Variants in LARS1 observed in about 807,000 individuals in gnomAD.
LARS1 encodes leucine--tRNA ligase, cytoplasmic.
LARS1 carries 100 observed loss-of-function variants against 162.8 expected under a neutral mutation model. The ratio of observed to expected loss-of-function variants is 0.61; its 90% CI spans 0.52 to 0.73. The LOEUF (loss-of-function observed/expected upper bound fraction) is 0.73, where lower values mean the gene tolerates loss of function less well. Ranked by LOEUF, LARS1 falls within the 30% of genes least tolerant of loss-of-function variation. LARS1 has a pLI of 0.00. For synonymous variants in LARS1, 457 were observed against 462.8 expected, an observed-to-expected ratio of 0.99 and a Z score of 0.16; for missense variants, 1,258 against 1,408.9, an observed-to-expected ratio of 0.89 and a Z score of 1.71.
chr5:146,150,767 C>T (rs1263869154), intron 14 of LARS1, among the ~76,000 whole-genome samples: 3 of 151,312 alleles, frequency 2.0e-5, no homozygotes, highest in Non-Finnish European at 4.4e-5. Flanking sequence ...GTGAAATCCT[C>T]GTGTCTACTA....
At chr5:146,119,702 C>G (rs116111991) in intron 31 of LARS1, among the ~76,000 whole-genome samples, 1 of 152,014 alleles carries the variant, frequency 6.6e-6, no homozygotes, top group East Asian at 1.9e-4. Flanking sequence ...ACAAAAGATG[C>G]AGACTTATTC....
At chr5:146,162,314 T>C (rs1753813244) in intron 6 of LARS1, among the ~76,000 whole-genome samples, 1 of 152,242 alleles carries the variant, frequency 6.6e-6, no homozygotes, top group Non-Finnish European at 1.5e-5. Context: ...GACTGCAGAA[T>C]GAATGTTGTG....
chr5:146,130,023 C>G lies in LARS1; in HGVS notation c.2623G>C (p.Gly875Arg), dbSNP rs1465577532. The G allele has an allele frequency of 3.1e-6, 5 of 1,607,524 alleles. No individual in the cohort carries two copies. Among genetic ancestry groups the G allele is most frequent in the Non-Finnish European group, 4.2e-6 (5 of 1,178,302 alleles). Residue 875 changes from glycine to arginine, a missense_variant, in exon 25 of 32, where the codon GGA (glycine) becomes CGA (arginine). Gly to Arg is a moderately radical substitution (Grantham distance 125, BLOSUM62 -2). Transcript: ENST00000394434. ...TTTTAAATGCATGAAGGTACCTTTC[C>G]CAGGAGTGTCCAGATGTGCTCACAC... The part of the protein sequence containing the change: ...HLCEHIWTLL[G>R]KPDSIMNASW...
chr5:146,173,746 T>C (rs964327003), intron 2 of LARS1, among the ~76,000 whole-genome samples: 3 of 152,054 alleles, frequency 2.0e-5, no homozygotes, highest in Non-Finnish European at 4.4e-5. Flanking sequence ...CCACTGAAAC[T>C]ACCTGTTTCC....
intron 14 of LARS1, 40 bp from the exon 15 acceptor site, chr5:146,149,739 G>A (rs748218060): frequency 2.8e-6 from 4 of 1,408,572 alleles, no homozygotes; most frequent in Non-Finnish European, 4.0e-6. Context: ...ATATAAAACA[G>A]TTAGAATCTG....
rs1353734476 is a variant in LARS1 at position 146,130,782 on chromosome 5, T to C, written c.2487+237A>G. 13 of 353,810 alleles carry C rather than the reference T, an allele frequency of 3.7e-5. No homozygotes were observed. The Admixed American group carries it at 6.0e-4, about 16-fold the overall frequency. The allele number at this position is 353,810 out of a possible 1,614,324, so 21.9% of individuals were successfully genotyped here. A position where few individuals can be genotyped will look rare whatever the true frequency, so the allele number is the denominator to read the frequency against. On this transcript the variant is annotated intron_variant, in intron 24 of 31. Transcript: ENST00000394434. ...AATTTTAGATTTAATCTCCTTTATA[T>C]TAATGCTCATAGCTTAACTAGGAGC... is the stretch of plus-strand genomic sequence containing the variant.
At chr5:146,143,267 A>G (rs1184407992) in intron 19 of LARS1, 145 bp downstream of exon 19, 4 of 1,068,592 alleles carry the variant, frequency 3.7e-6, no homozygotes, top group Non-Finnish European at 5.4e-6. Flanking sequence ...CTATTTATTA[A>G]TTTTTCCCAG....
intron 1 of LARS1, 82 bp from the exon 2 acceptor site, chr5:146,177,747 GC>G: frequency 1.7e-6 from 1 of 579,800 alleles, no homozygotes; most frequent in Middle Eastern, 2.9e-4. Flanking sequence ...GAACTGAGCT[GC>G]TCACTGATAA....
intron 21 of LARS1, 134 bp downstream of exon 21, chr5:146,140,070 G>A: frequency 4.3e-6 from 3 of 703,768 alleles, no homozygotes; most frequent in South Asian, 3.2e-5. Flanking sequence ...GCCTCCCAAA[G>A]CTCTGGAATT....
At chr5:146,133,533 A>T (rs1254527847) in intron 22 of LARS1, among the ~76,000 whole-genome samples, 1 of 152,114 alleles carries the variant, frequency 6.6e-6, no homozygotes, top group African/African-American at 2.4e-5. Context: ...CAGTTTTGAA[A>T]CTAGGTTCTT....
At position 146,130,120 on chromosome 5, in the gene LARS1, C is replaced by T. The variant is rs780107741; in HGVS notation, c.2526G>A (p.Gly842=). The T allele has an allele frequency of 6.2e-7, 1 of 1,613,828 alleles. No homozygotes were observed. Among genetic ancestry groups the T allele is most frequent in the South Asian group, 1.1e-5 (1 of 91,072 alleles). The part of the protein sequence containing the change: ...KDKYRELAVE[G]MHRELVFRFI... ...ACCGGAACACAAGTTCTCTGTGCAT[C>T]CCTTCCACAGCCAATTCACGGTACT... is the stretch of plus-strand genomic sequence containing the variant. The change falls in exon 25 of 32, where the codon GGG becomes GGA. Residue 842 remains glycine, a synonymous_variant. Transcript: ENST00000394434.
At chr5:146,163,541 C>T (rs973342045) in intron 6 of LARS1, among the ~76,000 whole-genome samples, 1 of 152,036 alleles carries the variant, frequency 6.6e-6, no homozygotes, top group Non-Finnish European at 1.5e-5. Flanking sequence ...CAAAAATTAG[C>T]CAGGCGTGTT....
At chr5:146,135,530 A>G (rs1752464913) in intron 22 of LARS1, 71 bp downstream of exon 22, 1 of 1,136,920 alleles carries the variant, frequency 8.8e-7, no homozygotes, top group Admixed American at 2.6e-5. Context: ...TTAAAACACC[A>G]ATTTTAACGT....
Position 146,182,617 on chromosome 5 carries a change from C to T in LARS1, c.-124G>A. ...TCCCACGAAACTAAAGCACACGCTT[C>T]ACACCTGCTGAGGCAATCATCCGGC... On this transcript the variant is annotated 5_prime_UTR_variant, in exon 1 of 32. Coordinates refer to ENST00000394434, the MANE Select transcript of LARS1 (RefSeq NM_020117.11). 7.8e-7 allele frequency: 1 copy of T among 1,289,344 alleles called. No individual in the cohort carries two copies. Among genetic ancestry groups the T allele is most frequent in the African/African-American group, 1.5e-5 (1 of 68,582 alleles). 79.9% of individuals were successfully genotyped at this position (1,289,344 alleles called of 1,614,324 possible). A position where few individuals can be genotyped will look rare whatever the true frequency, so the allele number is the denominator to read the frequency against.
rs919289224 is a variant in LARS1 at position 146,143,103 on chromosome 5, A to G, written c.1878-19T>C. 8 of 1,345,872 alleles carry G rather than the reference A, an allele frequency of 5.9e-6. No individual in the cohort carries two copies. In the East Asian group the frequency reaches 1.2e-4, roughly 21 times the overall value. The allele number at this position is 1,345,872 out of a possible 1,614,324, so 83.4% of individuals were successfully genotyped here. On this transcript the variant is annotated intron_variant, in intron 19 of 31. Coordinates refer to ENST00000394434, the MANE Select transcript of LARS1 (RefSeq NM_020117.11). ...TTGCGGTCTGTATTAAAAATAAAAC[A>G]AACTATTTTATATATATATATATGT...
intron 6 of LARS1, among the ~76,000 whole-genome samples, chr5:146,162,059 TC>T (rs1753803375): frequency 6.6e-6 from 1 of 152,226 alleles, no homozygotes; most frequent in African/African-American, 2.4e-5. Context: ...CTTGAACCTT[TC>T]AACGTCATCC....
chr5:146,165,591 G>A (rs532557092), intron 5 of LARS1, among the ~76,000 whole-genome samples: 7 of 151,886 alleles, frequency 4.6e-5, no homozygotes, highest in East Asian at 1.9e-4. Context: ...ATTCAACCAC[G>A]ATGCTGAAGG....
At chr5:146,154,384 G>A (rs1360350891) in intron 10 of LARS1, among the ~76,000 whole-genome samples, 2 of 152,162 alleles carry the variant, frequency 1.3e-5, no homozygotes, top group Admixed American at 6.5e-5. Context: ...TGGTAAGTAC[G>A]TAAGGTATAA....
At chr5:146,124,618 G>A (rs1751969448) in intron 28 of LARS1, among the ~76,000 whole-genome samples, 1 of 151,846 alleles carries the variant, frequency 6.6e-6, no homozygotes, top group African/African-American at 2.4e-5. Flanking sequence ...AACATGGCAT[G>A]TAAAAAATAA....
Sources: allele counts gnomAD v4.1 joint callset (sites outside exome capture counted in the v4.1 genomes callset), GRCh38; gene constraint gnomAD v4.1.1; transcripts MANE v1.5; gene names NCBI Gene and HGNC (gene_info 2026-07-23, HGNC 2026-07-21).